The following NADSYN1 variants were observed in gnomAD, a reference collection of about 807,000 sequenced individuals.
The protein encoded by NADSYN1 is NAD synthetase 1, also known as glutamine-dependent NAD(+) synthetase.
NADSYN1 carries 80 observed loss-of-function variants against 99.3 expected under a neutral mutation model. The observed-to-expected ratio is 0.81, with a 90% CI of 0.67 to 0.97. NADSYN1 has a LOEUF of 0.97. Among genes scored for constraint, NADSYN1 ranks in the 50% least tolerant of loss-of-function variants. NADSYN1 has a pLI of 0.00. For synonymous variants in NADSYN1, 385 were observed against 372.1 expected, an observed-to-expected ratio of 1.03 and a Z score of -0.40; for missense variants, 859 against 948.5, an observed-to-expected ratio of 0.91 and a Z score of 1.24.
At chr11:71,463,086 C>A (rs1277978197) in intron 3 of NADSYN1, among the ~76,000 whole-genome samples, 1 of 152,050 alleles carries the variant, frequency 6.6e-6, no homozygotes, top group South Asian at 2.1e-4. Flanking sequence ...AAAGTGGATG[C>A]CTCAGGTTAG....
chr11:71,497,580 G>T lies in NADSYN1; in HGVS notation c.1862G>T (p.Gly621Val). The T allele has an allele frequency of 6.2e-7, 1 of 1,614,132 alleles. No individual in the cohort carries two copies. The highest frequency in any genetic ancestry group is 8.5e-7 in the Non-Finnish European group (1 of 1,180,026). The change falls in exon 19 of 21, where the codon GGC becomes GTC. Residue 621 changes from glycine (G) to valine (V), a missense_variant. By Grantham distance (109) the Gly-to-Val change is moderately radical. Transcript: ENST00000319023. ...GPYSMFCKLL[G>V]MWRHICTPRQ... ...TACAGCATGTTCTGCAAACTCCTCG[G>T]CATGTGGAGACACATCTGCACCCCG...
chr11:71,458,363 C>T, intron 2 of NADSYN1, 65 bp from the exon 3 acceptor site: 2 of 1,274,774 alleles, frequency 1.6e-6, no homozygotes, highest in Non-Finnish European at 1.1e-6. Context: ...GACTGGCCCA[C>T]AGGCCCTGCC....
intron 12 of NADSYN1, chr11:71,481,669 T>G: frequency 3.3e-6 from 2 of 601,404 alleles, no homozygotes; most frequent in Non-Finnish European, 5.9e-6. Flanking sequence ...TTGCCAGCAT[T>G]GTAATCATGC....
intron 1 of NADSYN1, among the ~76,000 whole-genome samples, chr11:71,454,285 C>T (rs1330701738): frequency 6.6e-6 from 1 of 152,328 alleles, no homozygotes; most frequent in African/African-American, 2.4e-5. Flanking sequence ...CATCTTGGCT[C>T]ACTGCAGTCT....
At chr11:71,486,520 C>T (rs1242349110) in intron 16 of NADSYN1, among the ~76,000 whole-genome samples, 1 of 151,976 alleles carries the variant, frequency 6.6e-6, no homozygotes, top group Non-Finnish European at 1.5e-5. Flanking sequence ...TCTATGCATT[C>T]ATCCATCCAT....
Position 71,498,357 on chromosome 11 carries a change from T to G in NADSYN1, c.1899T>G (p.Ala633=), listed in dbSNP as rs968294962. 1 of 1,614,128 alleles carries G rather than the reference T, an allele frequency of 6.2e-7. No individual in the cohort carries two copies. Among genetic ancestry groups the G allele is most frequent in the Non-Finnish European group, 8.5e-7 (1 of 1,180,006 alleles). The change falls in exon 20 of 21, where the codon GCT becomes GCG. Residue 633 remains alanine (A), a synonymous_variant. Transcript: ENST00000319023. Reference sequence around the variant, plus strand: ...GTGTGTTGCACGCCCACCAGGTCGCTGACAAAGTGAAGCGGTTTTTCTCCA... The same window carrying G: ...GTGTGTTGCACGCCCACCAGGTCGCGGACAAAGTGAAGCGGTTTTTCTCCA... ...WRHICTPRQV[A]DKVKRFFSKY...
intron 9 of NADSYN1, chr11:71,476,751 C>G: frequency 1.0e-6 from 1 of 985,778 alleles, no homozygotes; most frequent in Non-Finnish European, 1.2e-6. Flanking sequence ...CATTGGTGGT[C>G]GTGTTGATTG....
Position 71,463,421 on chromosome 11 carries a change from C to T in NADSYN1, c.264-11C>T, listed in dbSNP as rs754303477. 1 of 1,613,592 alleles carries T rather than the reference C, an allele frequency of 6.2e-7. No homozygotes were observed. The highest frequency in any genetic ancestry group is 1.1e-5 in the South Asian group (1 of 91,054). On this transcript the variant is annotated splice_polypyrimidine_tract_variant and intron_variant, in intron 3 of 20. Transcript: ENST00000319023. Reference sequence around the variant, plus strand: ...GGGCAGACACACATGTACCTCCCCTCTCTCCTGCAGGCCTGTAATGCACCG... The same window carrying T: ...GGGCAGACACACATGTACCTCCCCTTTCTCCTGCAGGCCTGTAATGCACCG...
At chr11:71,494,795 T>C (rs1355306619) in intron 18 of NADSYN1, among the ~76,000 whole-genome samples, 2 of 152,192 alleles carry the variant, frequency 1.3e-5, no homozygotes, top group African/African-American at 4.8e-5. Flanking sequence ...CCTCAGGTGA[T>C]CCACCCACCT....
At chr11:71,455,352 T>A in intron 2 of NADSYN1, 182 bp downstream of exon 2, 4 of 548,856 alleles carry the variant, frequency 7.3e-6, no homozygotes, top group Non-Finnish European at 1.3e-5. Flanking sequence ...GGAGGCTGAA[T>A]AAGTCTAGAT....
chr11:71,464,231 G>A, intron 5 of NADSYN1, 89 bp downstream of exon 5: 1 of 1,029,720 alleles, frequency 9.7e-7, no homozygotes, highest in Non-Finnish European at 1.4e-6. Context: ...AGTGTTACCG[G>A]TGGAGGGTGT....
rs368855916 is a variant in NADSYN1, at chr11:71,478,489, C to T, written c.873+20C>T. On this transcript the variant is annotated intron_variant, in intron 10 of 20. Transcript: ENST00000319023. ...CTGGCGGTGAGTGCTCCAGTAGACACCTGTGTGGGATGCTCATCAAAGACG... is the reference window on the plus strand; with the variant it reads ...CTGGCGGTGAGTGCTCCAGTAGACATCTGTGTGGGATGCTCATCAAAGACG... 8.2e-6 allele frequency: 13 copies of T among 1,584,828 alleles called. No individual in the cohort carries two copies. The highest frequency in any genetic ancestry group is 2.7e-5 in the African/African-American group (2 of 74,504).
At chr11:71,472,567 G>A in intron 6 of NADSYN1, 67 bp downstream of exon 6, 1 of 1,432,970 alleles carries the variant, frequency 7.0e-7, no homozygotes, top group Admixed American at 1.7e-5. Context: ...CAGTGGACCA[G>A]GTGGGGCGGG....
Position 71,473,447 on chromosome 11 carries a change from G to GGGCCAT in NADSYN1, c.548+85_548+86insATGGCC, listed in dbSNP as rs1426870931. The GGGCCAT allele has an allele frequency of 9.1e-6, 14 of 1,539,952 alleles. No individual in the cohort carries two copies. The East Asian group carries it at 2.3e-4, about 25-fold the overall frequency. ...AGGACCTGGGACTGCAGACGTCCTG[G>GGGCCAT]GGCCGTGGCCGTGGCCGTGGCCGTG... On this transcript the variant is annotated intron_variant, in intron 7 of 20. Coordinates refer to ENST00000319023, the MANE Select transcript of NADSYN1 (RefSeq NM_018161.5).
chr11:71,478,331 A>C (rs1377062938), intron 9 of NADSYN1, 64 bp from the exon 10 acceptor site: 3 of 1,399,952 alleles, frequency 2.1e-6, no homozygotes. Flanking sequence ...GACAGTGGCC[A>C]AATTACACGT....
intron 9 of NADSYN1, among the ~76,000 whole-genome samples, chr11:71,477,637 A>G (rs1005557580): frequency 2.0e-5 from 3 of 152,238 alleles, no homozygotes; most frequent in Non-Finnish European, 2.9e-5. Flanking sequence ...TCATTTCTGC[A>G]TATACCGCAA....
chr11:71,488,307 G>A, intron 16 of NADSYN1, among the ~76,000 whole-genome samples: 1 of 150,016 alleles, frequency 6.7e-6, no homozygotes. Context: ...GAGAGCTCAA[G>A]GAGGGGAAGG....
At chr11:71,463,571 C>T in intron 4 of NADSYN1, 86 bp downstream of exon 4, 2 of 1,326,160 alleles carry the variant, frequency 1.5e-6, no homozygotes, top group Non-Finnish European at 2.1e-6. Context: ...GTGCTGGTGC[C>T]CTGGGGACCC....
At chr11:71,457,554 C>T (rs1415657527) in intron 2 of NADSYN1, among the ~76,000 whole-genome samples, 9 of 152,184 alleles carry the variant, frequency 5.9e-5, no homozygotes, top group Non-Finnish European at 1.0e-4. Flanking sequence ...CTGTGGCTGC[C>T]GAAACAGATA....
Sources: gnomAD v4.1 joint callset for allele counts (sites outside exome capture counted in the v4.1 genomes callset) on GRCh38, gnomAD v4.1.1 for gene constraint, MANE v1.5 for transcripts, NCBI Gene and HGNC (gene_info 2026-07-23, HGNC 2026-07-21) for gene names.